Variants in PHACTR1 observed in about 807,000 individuals in gnomAD.
PHACTR1 encodes phosphatase and actin regulator 1.
PHACTR1 carries 16 observed loss-of-function variants against 69.2 expected under a neutral mutation model. The ratio of observed to expected loss-of-function variants is 0.23; its 90% CI spans 0.16 to 0.35. PHACTR1 has a LOEUF of 0.35. PHACTR1 is among the 10% of genes least tolerant of loss of function. The pLI is 1.00. For missense variants in PHACTR1, 510 were observed against 734.7 expected (o/e 0.69, Z 3.54); for synonymous variants, 312 against 284.5 (o/e 1.10, Z -0.97).
chr6:13,146,188 T>C (rs1823322410), intron 5 of PHACTR1, among the ~76,000 whole-genome samples: 1 of 152,210 alleles, frequency 6.6e-6, no homozygotes, highest in East Asian at 1.9e-4. Context: ...TTGTAAGACT[T>C]ACTACATAAA....
At chr6:13,129,892 C>CAT (rs1225575523) in intron 5 of PHACTR1, among the ~76,000 whole-genome samples, 1 of 151,930 alleles carries the variant, frequency 6.6e-6, no homozygotes. Context: ...CAAGATAGAC[C>CAT]ATATAATAGG....
At chr6:12,978,693 T>C (rs1229373673) in intron 4 of PHACTR1, among the ~76,000 whole-genome samples, 1 of 152,168 alleles carries the variant, frequency 6.6e-6, no homozygotes, top group East Asian at 1.9e-4. Context: ...CAGTGCCTGC[T>C]AGGACGGTGT....
At chr6:12,767,374 C>T (rs1768762687) in intron 4 of PHACTR1, among the ~76,000 whole-genome samples, 1 of 152,186 alleles carries the variant, frequency 6.6e-6, no homozygotes, top group Non-Finnish European at 1.5e-5. Flanking sequence ...TGTAGGCCTT[C>T]CAAAGGAAGC....
chr6:13,078,129 G>A (rs1224063122), intron 5 of PHACTR1, among the ~76,000 whole-genome samples: 1 of 152,150 alleles, frequency 6.6e-6, no homozygotes, highest in Non-Finnish European at 1.5e-5. Flanking sequence ...CTATGGGGCA[G>A]CTGTATCAGT....
At chr6:13,025,419 G>A (rs1242233771) in intron 4 of PHACTR1, among the ~76,000 whole-genome samples, 1 of 152,210 alleles carries the variant, frequency 6.6e-6, no homozygotes, top group East Asian at 1.9e-4. Context: ...GTTTAGGCCA[G>A]ATGGGCAGGC....
chr6:12,933,924 G>C, intron 4 of PHACTR1: 1 of 1,607,858 alleles, frequency 6.2e-7, no homozygotes, highest in Non-Finnish European at 8.5e-7. Context: ...CATATGGGAA[G>C]GGAAAATGCG....
intron 4 of PHACTR1, among the ~76,000 whole-genome samples, chr6:12,840,111 A>G (rs545349861): frequency 6.6e-6 from 1 of 152,146 alleles, no homozygotes; most frequent in Non-Finnish European, 1.5e-5. Flanking sequence ...CCTTTAAGTC[A>G]GTCAGCAGGG....
At chr6:12,971,239 C>G (rs1026526334) in intron 4 of PHACTR1, among the ~76,000 whole-genome samples, 1 of 152,156 alleles carries the variant, frequency 6.6e-6, no homozygotes, top group Non-Finnish European at 1.5e-5. Flanking sequence ...CCATCTTCAC[C>G]CAACACTAGC....
intron 4 of PHACTR1, among the ~76,000 whole-genome samples, chr6:12,819,107 A>G (rs1003976642): frequency 3.9e-5 from 6 of 152,096 alleles, no homozygotes; most frequent in Non-Finnish European, 8.8e-5. Flanking sequence ...CACCGCCAAA[A>G]CCTCGGCATC....
At chr6:13,227,514 A>G (rs1769968935) in intron 8 of PHACTR1, among the ~76,000 whole-genome samples, 1 of 152,224 alleles carries the variant, frequency 6.6e-6, no homozygotes, top group Non-Finnish European at 1.5e-5. Context: ...TTGTGCAACC[A>G]TCACACCACC....
intron 5 of PHACTR1, among the ~76,000 whole-genome samples, chr6:13,137,579 T>G (rs1270886743): frequency 1.3e-5 from 2 of 152,254 alleles, no homozygotes; most frequent in African/African-American, 4.8e-5. Context: ...TTAAATAACA[T>G]TCAAGTTTCT....
At chr6:13,109,866 G>A (rs2127899730) in intron 5 of PHACTR1, among the ~76,000 whole-genome samples, 1 of 148,984 alleles carries the variant, frequency 6.7e-6, no homozygotes, top group South Asian at 2.1e-4. Context: ...GTGTGTGTCT[G>A]TGTGTTTCAG....
At chr6:12,969,984 A>G (rs564795226) in intron 4 of PHACTR1, among the ~76,000 whole-genome samples, 1 of 152,252 alleles carries the variant, frequency 6.6e-6, no homozygotes, top group Admixed American at 6.5e-5. Flanking sequence ...CAAAAAACAA[A>G]ACAAAAACCA....
chr6:12,754,402 T>G (rs1332274551), intron 4 of PHACTR1, among the ~76,000 whole-genome samples: 1 of 152,210 alleles, frequency 6.6e-6, no homozygotes, highest in East Asian at 1.9e-4. Flanking sequence ...TTTTTGTTAC[T>G]GATTGTAAAT....
intron 4 of PHACTR1, among the ~76,000 whole-genome samples, chr6:12,885,837 G>C (rs997306719): frequency 3.0e-4 from 45 of 152,340 alleles, no homozygotes; most frequent in African/African-American, 1.0e-3. Context: ...GCCCACGCCT[G>C]TAATCCTGGC....
intron 5 of PHACTR1, among the ~76,000 whole-genome samples, chr6:13,069,625 A>G (rs531526472): frequency 6.6e-6 from 1 of 152,032 alleles, no homozygotes; most frequent in South Asian, 2.1e-4. Context: ...TGGAACACTC[A>G]TCTATTCCAC....
chr6:13,031,442 A>G (rs538097047), intron 4 of PHACTR1, among the ~76,000 whole-genome samples: 1 of 152,376 alleles, frequency 6.6e-6, no homozygotes, highest in South Asian at 2.1e-4. Context: ...ATGTGGTTAT[A>G]TCCCAAGAGT....
intron 4 of PHACTR1, among the ~76,000 whole-genome samples, chr6:12,913,628 C>T (rs1032788276): frequency 6.6e-6 from 1 of 152,194 alleles, no homozygotes; most frequent in African/African-American, 2.4e-5. Context: ...CATAATGCAT[C>T]GCACATTTAT....
chr6:13,046,074 A>T (rs1471590134), intron 4 of PHACTR1, among the ~76,000 whole-genome samples: 1 of 152,144 alleles, frequency 6.6e-6, no homozygotes, highest in Admixed American at 6.5e-5. Context: ...CAACTCTCTC[A>T]ATGTAAACAT....
Sources: gnomAD v4.1 joint callset for allele counts (sites outside exome capture counted in the v4.1 genomes callset) on GRCh38, gnomAD v4.1.1 for gene constraint, MANE v1.5 for transcripts, NCBI Gene and HGNC (gene_info 2026-07-23, HGNC 2026-07-21) for gene names.